DHX57: variants seen among roughly 807,000 people sequenced by gnomAD.
The protein encoded by DHX57 is putative ATP-dependent RNA helicase DHX57.
DHX57 carries 105 observed loss-of-function variants against 156.2 expected under a neutral mutation model. The observed-to-expected ratio is 0.67, with a 90% CI of 0.57 to 0.79. DHX57 has a LOEUF of 0.79. Among genes scored for constraint, DHX57 ranks in the 30% least tolerant of loss-of-function variants. The pLI, the probability that DHX57 is intolerant of heterozygous loss-of-function variation, is 0.00. For synonymous variants in DHX57, 704 were observed against 595.6 expected (o/e 1.18, Z -2.65); for missense variants, 1,847 against 1,661.9 (o/e 1.11, Z -1.94).
chr2:38,816,669 C>A (rs535301160), intron 19 of DHX57, among the ~76,000 whole-genome samples: 23 of 152,292 alleles, frequency 1.5e-4, no homozygotes, highest in Middle Eastern at 3.4e-3. Flanking sequence ...GAAAGCTAAG[C>A]AACACTACCC....
In DHX57 at chr2:38,828,524, T is replaced by C. The variant is rs1261262859; in HGVS notation, c.2543-88A>G. The C allele has an allele frequency of 4.7e-6, 4 of 847,704 alleles. No homozygotes were observed. The East Asian group carries it at 1.2e-4, about 25-fold the overall frequency. 52.5% of individuals were successfully genotyped at this position (847,704 alleles called of 1,614,324 possible). ...TTTTTTTAAAAAAGAATATGATAAA[T>C]GAAGTAAATGAAAAACTAATATAGA... On this transcript the variant is annotated intron_variant, in intron 13 of 23. Coordinates refer to ENST00000457308, the MANE Select transcript of DHX57 (RefSeq NM_198963.3).
intron 2 of DHX57, among the ~76,000 whole-genome samples, chr2:38,866,894 C>T (rs1326195486): frequency 1.3e-5 from 2 of 152,148 alleles, no homozygotes; most frequent in African/African-American, 4.8e-5. Context: ...GACTATGCTG[C>T]TTGCTATTTA....
chr2:38,856,638 G>A (rs1238044681), intron 6 of DHX57, 177 bp from the exon 7 acceptor site: 1 of 720,052 alleles, frequency 1.4e-6, no homozygotes, highest in East Asian at 3.3e-5. Flanking sequence ...CAAGTAGCTG[G>A]GACTACAGGT....
At chr2:38,841,361 T>G (rs1180719616) in intron 12 of DHX57, among the ~76,000 whole-genome samples, 1 of 152,236 alleles carries the variant, frequency 6.6e-6, no homozygotes, top group Non-Finnish European at 1.5e-5. Flanking sequence ...CTCAAGATCA[T>G]TAGCTGGTTT....
At position 38,861,754 on chromosome 2, in the gene DHX57, G is replaced by A. The variant is rs1319805510; in HGVS notation, c.656C>T (p.Thr219Ile). The change falls in exon 5 of 24, where the codon ACC becomes ATC. Residue 219 changes from threonine (T) to isoleucine (I), a missense_variant. By Grantham distance (89) the Thr-to-Ile change is moderately conservative. Transcript: ENST00000457308. ...DVGASLEHLL[T>I]QCFSETFGER... ...TCCAAATGTCTCTGAAAAACACTGG[G>A]TAAGGAGATGCTCTAGTGATGCTCC... 1.2e-6 allele frequency: 2 copies of A among 1,613,990 alleles called. No homozygotes were observed. The highest frequency in any genetic ancestry group is 1.1e-5 in the South Asian group (1 of 91,082).
intron 2 of DHX57, 41 bp from the exon 3 acceptor site, chr2:38,863,560 A>G (rs1673352976): frequency 6.3e-7 from 1 of 1,586,966 alleles, no homozygotes; most frequent in Non-Finnish European, 8.6e-7. Flanking sequence ...CATATCTTCA[A>G]TCAGAACTTT....
chr2:38,837,230 T>C (rs1006559148), intron 13 of DHX57, among the ~76,000 whole-genome samples: 2 of 152,164 alleles, frequency 1.3e-5, no homozygotes, highest in Non-Finnish European at 2.9e-5. Context: ...GTGTCTTACA[T>C]ATGGTTTCTT....
rs1043862564 is a variant in DHX57, at chr2:38,863,123, T to A, written c.383+238A>T. The stretch of plus-strand genomic sequence containing the variant: ...AGATAAATCAGTTACTGAATCCATA[T>A]GAGCACTGCCCTGGAAAAAAATAAA... On this transcript the variant is annotated intron_variant, in intron 3 of 23. Coordinates refer to ENST00000457308, the MANE Select transcript of DHX57 (RefSeq NM_198963.3). 9.1e-6 allele frequency: 4 copies of A among 437,290 alleles called. No homozygotes were observed. In the Admixed American group the frequency reaches 1.6e-4, roughly 17 times the overall value. 27.1% of individuals were successfully genotyped at this position (437,290 alleles called of 1,614,324 possible).
chr2:38,837,197 G>C (rs545248242), intron 13 of DHX57, among the ~76,000 whole-genome samples: 43 of 152,228 alleles, frequency 2.8e-4, no homozygotes, highest in African/African-American at 9.9e-4. Context: ...AGTATCTACT[G>C]AGCCTTAACT....
Position 38,869,913 on chromosome 2 carries a change from G to A in DHX57, c.-6-1502C>T, listed in dbSNP as rs138255349. 3.9e-3 allele frequency among the ~76,000 whole-genome samples: 599 copies of A among 152,248 alleles called. 5 individuals carry two copies. Among genetic ancestry groups the A allele is most frequent in the African/African-American group, 0.014 (572 of 41,554 alleles). On this transcript the variant is annotated intron_variant, in intron 1 of 23. Coordinates refer to ENST00000457308, the MANE Select transcript of DHX57 (RefSeq NM_198963.3). ...AGTTCAAAATAGTCATTATAAGTATGTTCACAGAAATAAAGGAATGCACAA... is the reference window on the plus strand; with the variant it reads ...AGTTCAAAATAGTCATTATAAGTATATTCACAGAAATAAAGGAATGCACAA...
At position 38,837,915 on chromosome 2, in the gene DHX57, T is replaced by C. The variant is rs764295437; in HGVS notation, c.2458A>G (p.Ile820Val). 3 of 1,613,600 alleles carry C rather than the reference T, an allele frequency of 1.9e-6. No homozygotes were observed. Among genetic ancestry groups the C allele is most frequent in the South Asian group, 2.2e-5 (2 of 91,060 alleles). Reference protein sequence around the residue: ...VSKSVIKTMSIMDFEKVNLEL... With the variant: ...VSKSVIKTMSVMDFEKVNLEL... ...AGATTCACCTTTTCAAAATCCATGA[T>C]GGACATTGTTTTGATGACTGACTTG... The change falls in exon 13 of 24, where the codon ATC becomes GTC. Residue 820 changes from isoleucine to valine, a missense_variant. Transcript: ENST00000457308.
At chr2:38,856,545 C>T (rs1672909601) in intron 6 of DHX57, 84 bp from the exon 7 acceptor site, 4 of 1,479,422 alleles carry the variant, frequency 2.7e-6, no homozygotes, top group African/African-American at 1.4e-5. Context: ...CACTCTGTTG[C>T]CAGGCTGGAG....
At chr2:38,872,809 G>A (rs1665413532) in intron 1 of DHX57, among the ~76,000 whole-genome samples, 1 of 152,060 alleles carries the variant, frequency 6.6e-6, no homozygotes, top group Non-Finnish European at 1.5e-5. Flanking sequence ...ACTTTTAATG[G>A]TAGAACAACT....
At chr2:38,813,667 C>T (rs573865434) in intron 21 of DHX57, among the ~76,000 whole-genome samples, 154 bp downstream of exon 21, 9 of 152,246 alleles carry the variant, frequency 5.9e-5, no homozygotes, top group African/African-American at 1.2e-4. Flanking sequence ...CCACCGCACC[C>T]GGCCGAAAAT....
At position 38,862,040 on chromosome 2, in the gene DHX57, T is replaced by C. The variant is rs1300348016; in HGVS notation, c.572+105A>G. ...GAATATTAGGCCTATCAGGCATTGCTGGAACCCACATAATAGGAAAGTACA... is the reference window on the plus strand; with the variant it reads ...GAATATTAGGCCTATCAGGCATTGCCGGAACCCACATAATAGGAAAGTACA... On this transcript the variant is annotated intron_variant, in intron 4 of 23. Transcript: ENST00000457308. 20 of 1,353,386 alleles carry C rather than the reference T, an allele frequency of 1.5e-5. No individual in the cohort carries two copies. The South Asian group carries it at 2.4e-4, about 16-fold the overall frequency. 83.8% of individuals were successfully genotyped at this position (1,353,386 alleles called of 1,614,324 possible).
intron 13 of DHX57, among the ~76,000 whole-genome samples, chr2:38,832,144 G>C (rs1458332427): frequency 6.6e-6 from 1 of 152,104 alleles, no homozygotes; most frequent in Non-Finnish European, 1.5e-5. Flanking sequence ...AGTCTCTTTA[G>C]ACAACCACAC....
chr2:38,826,605 C>A lies in DHX57; in HGVS notation c.2724G>T (p.Lys908Asn). 3.7e-6 allele frequency: 6 copies of A among 1,614,092 alleles called. 1 individual carries two copies. In the South Asian group the frequency reaches 5.5e-5, roughly 15 times the overall value. The change falls in exon 15 of 24, where the codon AAG (lysine) becomes AAT (asparagine). Residue 908 changes from lysine to asparagine, a missense_variant. Coordinates refer to ENST00000457308, the MANE Select transcript of DHX57 (RefSeq NM_198963.3). The stretch of plus-strand genomic sequence containing the variant: ...CAGCAATGTTGGTGGAAATTATAAT[C>A]TTAGTTACTCCTGCAGGAGGTTTTA... ...VFVKPPAGVT[K>N]IIISTNIAET...
chr2:38,800,173 G>A (rs1455181899), intron 23 of DHX57, among the ~76,000 whole-genome samples: 20 of 124,334 alleles, frequency 1.6e-4, no homozygotes, highest in Non-Finnish European at 2.8e-4. Flanking sequence ...CAACAAGAGC[G>A]AAACTCCATC....
At chr2:38,821,245 T>A (rs1048016763) in intron 17 of DHX57, among the ~76,000 whole-genome samples, 1 of 152,038 alleles carries the variant, frequency 6.6e-6, no homozygotes, top group South Asian at 2.1e-4. Flanking sequence ...GAGCTATACA[T>A]GCTTATATAA....
Sources: gnomAD v4.1 joint callset for allele counts (sites outside exome capture counted in the v4.1 genomes callset) on GRCh38, gnomAD v4.1.1 for gene constraint, MANE v1.5 for transcripts, NCBI Gene and HGNC (gene_info 2026-07-23, HGNC 2026-07-21) for gene names.